Variants in LAMA2 observed in about 807,000 individuals in gnomAD.
The protein encoded by LAMA2 is laminin subunit alpha-2.
A neutral mutation model predicts 364.8 loss-of-function variants in LAMA2; 269 were observed. The observed-to-expected ratio is 0.74, with a 90% confidence interval of 0.67 to 0.82. The LOEUF is 0.82. LAMA2 is among the 40% of genes least tolerant of loss of function. The pLI is 0.00. For missense variants in LAMA2, 3,807 were observed against 3,873.2 expected, an observed-to-expected ratio of 0.98 and a Z score of 0.45; for synonymous variants, 1,379 against 1,370.6, an observed-to-expected ratio of 1.01 and a Z score of -0.14.
Position 128,921,535 on chromosome 6 carries a change from C to A in LAMA2, c.112+38178C>A, listed in dbSNP as rs146157708. On this transcript the variant is annotated intron_variant, in intron 1 of 64. Coordinates refer to ENST00000421865, the MANE Select transcript of LAMA2 (RefSeq NM_000426.4). ...GAGATACAGAAATACAGGGAGAAAG[C>A]TGTGTAAAGATGGAGGCAGAGATGG... 3.7e-3 allele frequency among the ~76,000 whole-genome samples: 570 copies of A among 152,072 alleles called. 3 individuals are homozygous for A. Among genetic ancestry groups the A allele is most frequent in the African/African-American group, 0.013 (534 of 41,472 alleles).
chr6:129,159,605 A>G (rs1393797584), intron 8 of LAMA2, among the ~76,000 whole-genome samples: 2 of 152,248 alleles, frequency 1.3e-5, no homozygotes, highest in African/African-American at 2.4e-5. Flanking sequence ...AAGTACATTC[A>G]GGCTTACTTC....
chr6:129,190,646 A>G (rs974604313), intron 11 of LAMA2, among the ~76,000 whole-genome samples: 1 of 152,220 alleles, frequency 6.6e-6, no homozygotes, highest in Non-Finnish European at 1.5e-5. Flanking sequence ...GCATGATTTA[A>G]GAGAGAAAAC....
At chr6:129,483,267 CATT>C (rs1784441199) in intron 55 of LAMA2, among the ~76,000 whole-genome samples, 1 of 150,528 alleles carries the variant, frequency 6.6e-6, no homozygotes, top group Admixed American at 6.6e-5. Flanking sequence ...AAAAAAAAGA[CATT>C]ATAAACATTT....
chr6:129,512,199 A>G (rs970101134), intron 62 of LAMA2, among the ~76,000 whole-genome samples, 164 bp from the exon 63 acceptor site: 6 of 152,166 alleles, frequency 3.9e-5, no homozygotes, highest in African/African-American at 1.4e-4. Flanking sequence ...GTGTTACATG[A>G]TGCAGTGGTG....
At chr6:129,507,970 GGAGAT>G (rs1186746787) in intron 62 of LAMA2, among the ~76,000 whole-genome samples, 2 of 132,816 alleles carry the variant, frequency 1.5e-5, no homozygotes, top group African/African-American at 5.4e-5. Flanking sequence ...TCCAGTTTCT[GGAGAT>G]GAGATATGAT....
intron 40 of LAMA2, among the ~76,000 whole-genome samples, chr6:129,410,326 TAA>T (rs61705472): frequency 2.0e-4 from 30 of 148,136 alleles, no homozygotes; most frequent in Admixed American, 2.0e-4. Flanking sequence ...TATGCTGAAT[TAA>T]AAAAAAAAAA....
chr6:129,169,985 A>T (rs1158413075), intron 9 of LAMA2, among the ~76,000 whole-genome samples: 1 of 151,058 alleles, frequency 6.6e-6, no homozygotes, highest in African/African-American at 2.5e-5. Flanking sequence ...TTTAGTTTGT[A>T]TTTCTGTGGG....
intron 28 of LAMA2, among the ~76,000 whole-genome samples, chr6:129,320,993 G>A (rs1303308540): frequency 6.6e-6 from 1 of 152,138 alleles, no homozygotes; most frequent in South Asian, 2.1e-4. Context: ...TTAGGAGATA[G>A]GATTATACTG....
intron 22 of LAMA2, among the ~76,000 whole-genome samples, chr6:129,306,978 T>C (rs1003684648): frequency 1.3e-5 from 2 of 152,218 alleles, no homozygotes; most frequent in African/African-American, 4.8e-5. Context: ...AGTCATATTT[T>C]CTTGATTCTT....
intron 12 of LAMA2, among the ~76,000 whole-genome samples, chr6:129,245,003 T>C (rs569432745): frequency 2.3e-4 from 35 of 152,296 alleles, no homozygotes; most frequent in Middle Eastern, 3.4e-3. Context: ...ACTTGTGTTC[T>C]TCTTTTCTTA....
chr6:129,114,597 T>TA (rs969514175), intron 4 of LAMA2, among the ~76,000 whole-genome samples: 5 of 152,104 alleles, frequency 3.3e-5, no homozygotes, highest in African/African-American at 9.6e-5. Flanking sequence ...TTGCTTTTTT[T>TA]AAAAAAACTC....
intron 11 of LAMA2, among the ~76,000 whole-genome samples, chr6:129,192,156 A>T (rs1156304998): frequency 6.6e-6 from 1 of 152,176 alleles, no homozygotes; most frequent in Non-Finnish European, 1.5e-5. Context: ...AAAAAGTGGG[A>T]GGGGTGGAAA....
chr6:128,982,099 T>A (rs1045175695), intron 1 of LAMA2, among the ~76,000 whole-genome samples: 19 of 152,268 alleles, frequency 1.2e-4, no homozygotes, highest in African/African-American at 4.6e-4. Flanking sequence ...ACTGAGAAAA[T>A]TTTAAAATAC....
intron 12 of LAMA2, among the ~76,000 whole-genome samples, chr6:129,208,638 GAA>G (rs1782861914): frequency 7.1e-6 from 1 of 140,786 alleles, no homozygotes; most frequent in Non-Finnish European, 1.5e-5. Context: ...AAAGAAGAAA[GAA>G]AGAAGGAAGG....
intron 8 of LAMA2, chr6:129,158,405 T>C: frequency 6.2e-7 from 1 of 1,613,960 alleles, no homozygotes. Context: ...CTTTACCAAC[T>C]TGCCGGACCA....
chr6:129,348,323 G>A (rs1776671018), intron 30 of LAMA2, among the ~76,000 whole-genome samples: 1 of 152,160 alleles, frequency 6.6e-6, no homozygotes, highest in Non-Finnish European at 1.5e-5. Context: ...AGGAGCTGTG[G>A]GCCTGGCCTA....
At chr6:129,014,557 C>T (rs185556465) in intron 1 of LAMA2, among the ~76,000 whole-genome samples, 8 of 152,138 alleles carry the variant, frequency 5.3e-5, no homozygotes, top group African/African-American at 1.7e-4. Context: ...CACCAAGATC[C>T]CCTAGTTACA....
intron 12 of LAMA2, among the ~76,000 whole-genome samples, chr6:129,223,475 T>G (rs952966262): frequency 2.0e-5 from 3 of 152,102 alleles, no homozygotes; most frequent in Admixed American, 6.6e-5. Context: ...TATGGTTTTA[T>G]GTCTAACATT....
chr6:129,484,662 T>A (rs1784509548), intron 55 of LAMA2, among the ~76,000 whole-genome samples: 2 of 152,184 alleles, frequency 1.3e-5, no homozygotes, highest in Non-Finnish European at 2.9e-5. Context: ...AAAAATGTGC[T>A]ATATGGTACC....
Sources: allele counts gnomAD v4.1 joint callset (sites outside exome capture counted in the v4.1 genomes callset), GRCh38; gene constraint gnomAD v4.1.1; transcripts MANE v1.5; gene names NCBI Gene and HGNC (gene_info 2026-07-23, HGNC 2026-07-21).